Variants in THSD7B observed in about 807,000 individuals in gnomAD.
THSD7B encodes the protein thrombospondin type-1 domain-containing protein 7B.
THSD7B carries 138 observed loss-of-function variants against 213.6 expected under a neutral mutation model. The ratio of observed to expected loss-of-function variants is 0.65; its 90% CI spans 0.56 to 0.74. The LOEUF is 0.74. Among genes scored for constraint, THSD7B ranks in the 30% least tolerant of loss-of-function variants. The pLI is 0.00. For missense variants in THSD7B, 1,931 were observed against 1,991.5 expected (o/e 0.97, Z 0.58); for synonymous variants, 742 against 687.0 (o/e 1.08, Z -1.25).
At chr2:136,833,382 A>T (rs1207761194) in intron 1 of THSD7B, among the ~76,000 whole-genome samples, 2 of 146,914 alleles carry the variant, frequency 1.4e-5, no homozygotes, top group Non-Finnish European at 3.0e-5. Context: ...AAAAAAAAAA[A>T]AAAAGAGAGA....
At chr2:137,478,333 T>C (rs1688233354) in intron 15 of THSD7B, among the ~76,000 whole-genome samples, 1 of 152,192 alleles carries the variant, frequency 6.6e-6, no homozygotes, top group Non-Finnish European at 1.5e-5. Flanking sequence ...GAAATTCTTT[T>C]GTCTGATTGA....
At chr2:137,101,607 C>G (rs1170131902) in intron 4 of THSD7B, among the ~76,000 whole-genome samples, 1 of 152,086 alleles carries the variant, frequency 6.6e-6, no homozygotes. Context: ...CGGATCCCAC[C>G]CCTATGGAGC....
At chr2:136,784,795 A>G (rs567150054) in intron 1 of THSD7B, among the ~76,000 whole-genome samples, 15 of 152,340 alleles carry the variant, frequency 9.8e-5, no homozygotes, top group Admixed American at 7.8e-4. Context: ...TTACAGTGAC[A>G]TCCACTGGCT....
At chr2:137,631,274 T>G (rs1337141559) in intron 20 of THSD7B, among the ~76,000 whole-genome samples, 1 of 152,210 alleles carries the variant, frequency 6.6e-6, no homozygotes, top group African/African-American at 2.4e-5. Flanking sequence ...GGATTAGTCA[T>G]GTTTTTTGTC....
At chr2:137,652,910 T>G (rs766716061) in intron 21 of THSD7B, among the ~76,000 whole-genome samples, 18 of 152,286 alleles carry the variant, frequency 1.2e-4, no homozygotes, top group Non-Finnish European at 8.8e-5. Flanking sequence ...TTATCATTCT[T>G]AGGTTGCTGT....
At chr2:137,082,284 A>G (rs1482605412) in intron 3 of THSD7B, among the ~76,000 whole-genome samples, 3 of 151,968 alleles carry the variant, frequency 2.0e-5, no homozygotes, top group Non-Finnish European at 4.4e-5. Flanking sequence ...TTCTACTTAC[A>G]TCTAATTTGA....
chr2:137,505,279 A>G (rs776376357), intron 15 of THSD7B, among the ~76,000 whole-genome samples: 13 of 152,326 alleles, frequency 8.5e-5, no homozygotes, highest in Non-Finnish European at 1.8e-4. Context: ...ATGCATAGAA[A>G]TCACTCAGGG....
intron 3 of THSD7B, among the ~76,000 whole-genome samples, chr2:137,076,412 G>A (rs923100683): frequency 5.5e-4 from 84 of 152,336 alleles, no homozygotes; most frequent in African/African-American, 2.0e-3. Flanking sequence ...TAATCTCCTG[G>A]TGTGCCGTTT....
At chr2:137,532,148 G>A (rs1029319285) in intron 15 of THSD7B, among the ~76,000 whole-genome samples, 6 of 151,864 alleles carry the variant, frequency 4.0e-5, no homozygotes, top group Non-Finnish European at 8.8e-5. Flanking sequence ...AAATGTTTGG[G>A]GAATGAAAGA....
In THSD7B at chr2:137,568,486, A is replaced by G. The variant is rs184117774; in HGVS notation, c.3273-3920A>G. Among the ~76,000 whole-genome samples, 351 of 152,262 alleles carry G rather than the reference A, an allele frequency of 2.3e-3. 4 individuals carry two copies. Among genetic ancestry groups the G allele is most frequent in the Non-Finnish European group, 1.9e-3 (131 of 68,020 alleles). ...ATCCTAACAGCCAGTGTATTAGTCTATTTTCACACTGCTATAAAGAAATAC... is the reference window on the plus strand; with the variant it reads ...ATCCTAACAGCCAGTGTATTAGTCTGTTTTCACACTGCTATAAAGAAATAC... On this transcript the variant is annotated intron_variant, in intron 16 of 27. Coordinates refer to ENST00000409968, the MANE Select transcript of THSD7B (RefSeq NM_001316349.2).
chr2:137,514,380 T>C (rs1219182285), intron 15 of THSD7B, among the ~76,000 whole-genome samples: 1 of 152,174 alleles, frequency 6.6e-6, no homozygotes, highest in Non-Finnish European at 1.5e-5. Context: ...AGCCTCATCT[T>C]TCTCCTGTGC....
Position 137,170,897 on chromosome 2 carries a change from T to G in THSD7B, c.1682T>G (p.Leu561Arg). 1.2e-6 allele frequency: 2 copies of G among 1,613,306 alleles called. No homozygotes were observed. The highest frequency in any genetic ancestry group is 1.7e-6 in the Non-Finnish European group (2 of 1,179,742). The stretch of plus-strand genomic sequence containing the variant: ...TTCCCTGATCATGGAAAATGTGGCC[T>G]GGGACATCGTATTCTGAAGGCCGTC... The part of the protein sequence containing the change: ...ICFPDHGKCG[L>R]GHRILKAVCQ... The change falls in exon 7 of 28, where the codon CTG (leucine) becomes CGG (arginine). Residue 561 changes from leucine (L) to arginine (R), a missense_variant. Physicochemically the swap from Leu to Arg is moderately radical, Grantham distance 102 (BLOSUM62 -2). Transcript: ENST00000409968.
chr2:137,129,317 A>G (rs1465474786), intron 5 of THSD7B, among the ~76,000 whole-genome samples: 4 of 152,156 alleles, frequency 2.6e-5, no homozygotes, highest in Non-Finnish European at 5.9e-5. Context: ...TAAACTCTGT[A>G]CAGGATAATT....
intron 3 of THSD7B, among the ~76,000 whole-genome samples, chr2:137,090,382 A>C (rs1268029018): frequency 6.6e-6 from 1 of 152,038 alleles, no homozygotes; most frequent in African/African-American, 2.4e-5. Flanking sequence ...TATTTGTTAT[A>C]TTACTCTATT....
chr2:137,311,294 T>A (rs1419582370), intron 12 of THSD7B, among the ~76,000 whole-genome samples: 1 of 151,770 alleles, frequency 6.6e-6, no homozygotes, highest in Non-Finnish European at 1.5e-5. Flanking sequence ...ACTCATGATT[T>A]GGCTCTCTGT....
intron 15 of THSD7B, among the ~76,000 whole-genome samples, chr2:137,552,643 T>G (rs1162288181): frequency 6.6e-6 from 1 of 152,166 alleles, no homozygotes; most frequent in Non-Finnish European, 1.5e-5. Context: ...AGCTTGTGGG[T>G]ATGGTTGTGT....
At chr2:137,533,265 G>A (rs1680433745) in intron 15 of THSD7B, among the ~76,000 whole-genome samples, 1 of 151,680 alleles carries the variant, frequency 6.6e-6, no homozygotes, top group Admixed American at 6.6e-5. Context: ...TCTATAACGT[G>A]CCTCTCCAGG....
intron 2 of THSD7B, among the ~76,000 whole-genome samples, chr2:137,012,980 A>G (rs1430104581): frequency 6.6e-6 from 1 of 152,192 alleles, no homozygotes. Context: ...CTCCACACCT[A>G]CTGAAATAGT....
At chr2:137,093,652 T>C (rs1249676959) in intron 3 of THSD7B, among the ~76,000 whole-genome samples, 2 of 152,232 alleles carry the variant, frequency 1.3e-5, no homozygotes, top group Non-Finnish European at 2.9e-5. Context: ...GTGTCCTCTC[T>C]GAGCACCCTT....
Sources: allele counts gnomAD v4.1 joint callset (sites outside exome capture counted in the v4.1 genomes callset), GRCh38; gene constraint gnomAD v4.1.1; transcripts MANE v1.5; gene names NCBI Gene and HGNC (gene_info 2026-07-23, HGNC 2026-07-21).